The following KIF16B variants were observed in gnomAD, a reference collection of about 807,000 sequenced individuals.
KIF16B encodes the protein kinesin-like protein KIF16B.
KIF16B carries 98 observed loss-of-function variants against 156.3 expected under a neutral mutation model. That is an observed-to-expected ratio of 0.63 (90% CI 0.53 to 0.74). The LOEUF (loss-of-function observed/expected upper bound fraction) is 0.74. KIF16B is among the 30% of genes least tolerant of loss of function. The probability of loss-of-function intolerance (pLI) is 0.00; values close to 1 mark genes in which losing one functional copy is unlikely to be tolerated. For missense variants in KIF16B, 1,421 were observed against 1,606.5 expected, an observed-to-expected ratio of 0.88 and a Z score of 1.97; for synonymous variants, 564 against 583.7, an observed-to-expected ratio of 0.97 and a Z score of 0.49.
chr20:16,413,982 T>A (rs1600333107), intron 15 of KIF16B, among the ~76,000 whole-genome samples: 1 of 152,054 alleles, frequency 6.6e-6, no homozygotes, highest in South Asian at 2.1e-4. Flanking sequence ...ATTTAAAATA[T>A]CTTAAAGATA....
intron 24 of KIF16B, among the ~76,000 whole-genome samples, chr20:16,325,354 A>T (rs1568851339): frequency 8.8e-6 from 1 of 114,110 alleles, no homozygotes; most frequent in Non-Finnish European, 1.8e-5. Context: ...CAGAAACAGG[A>T]AGTCAAACTG....
At chr20:16,442,182 G>A (rs6043949) in intron 12 of KIF16B, among the ~76,000 whole-genome samples, 42,869 of 151,874 alleles carry the variant, frequency 0.28, 6,117 homozygotes, top group East Asian at 0.33. Context: ...CAAGTTCAAG[G>A]GATCTACTGT....
rs528543935 is a variant in KIF16B at position 16,384,289 on chromosome 20, C to T, written c.1785-2542G>A. On this transcript the variant is annotated intron_variant, in intron 17 of 25. Coordinates refer to ENST00000354981, the MANE Select transcript of KIF16B (RefSeq NM_024704.5). The stretch of plus-strand genomic sequence containing the variant: ...TCCCTGTCCCCACCAGGCTCCCGGT[C>T]TGTAAGTGACAGTCAGTGTGTCACA... 5.9e-5 allele frequency among the ~76,000 whole-genome samples: 9 copies of T among 152,292 alleles called. No homozygotes were observed. The South Asian group carries it at 1.9e-3, about 32-fold the overall frequency.
intron 25 of KIF16B, among the ~76,000 whole-genome samples, chr20:16,296,086 CTA>C (rs953253785): frequency 1.3e-5 from 2 of 152,104 alleles, no homozygotes; most frequent in Admixed American, 1.3e-4. Context: ...GCCACAGCAT[CTA>C]TGTGAACTGT....
At chr20:16,567,973 T>C (rs2071321269) in intron 1 of KIF16B, among the ~76,000 whole-genome samples, 1 of 152,130 alleles carries the variant, frequency 6.6e-6, no homozygotes, top group Non-Finnish European at 1.5e-5. Flanking sequence ...ATAAGTGTAG[T>C]ACCTGGTACC....
At chr20:16,373,234 C>T (rs934489704) in intron 20 of KIF16B, among the ~76,000 whole-genome samples, 6 of 152,194 alleles carry the variant, frequency 3.9e-5, no homozygotes, top group African/African-American at 1.4e-4. Flanking sequence ...TGCTACTGAA[C>T]ATGAGTGAAG....
chr20:16,288,549 T>A (rs1435536766), intron 25 of KIF16B, among the ~76,000 whole-genome samples: 1 of 149,376 alleles, frequency 6.7e-6, no homozygotes, highest in Non-Finnish European at 1.5e-5. Flanking sequence ...CTGTATGGTA[T>A]GTACCTTAGT....
At chr20:16,553,435 T>C (rs2070736456) in intron 1 of KIF16B, among the ~76,000 whole-genome samples, 1 of 152,204 alleles carries the variant, frequency 6.6e-6, no homozygotes, top group Non-Finnish European at 1.5e-5. Context: ...AGGGTGGGGA[T>C]CGTACCCTTA....
intron 12 of KIF16B, among the ~76,000 whole-genome samples, chr20:16,448,841 A>G (rs1195278088): frequency 6.6e-6 from 1 of 152,068 alleles, no homozygotes; most frequent in Non-Finnish European, 1.5e-5. Context: ...TAGTCCAAGA[A>G]AACATGACCT....
intron 17 of KIF16B, among the ~76,000 whole-genome samples, chr20:16,391,478 T>A (rs537092404): frequency 6.6e-6 from 1 of 152,282 alleles, no homozygotes; most frequent in Admixed American, 6.5e-5. Flanking sequence ...GGGGTTGAGC[T>A]AACTAATACA....
intron 1 of KIF16B, among the ~76,000 whole-genome samples, chr20:16,533,201 A>G (rs1400670339): frequency 6.6e-6 from 1 of 152,154 alleles, no homozygotes; most frequent in Non-Finnish European, 1.5e-5. Flanking sequence ...CAGTTTCACT[A>G]TTCTGAGGGT....
intron 17 of KIF16B, among the ~76,000 whole-genome samples, chr20:16,386,735 C>T (rs930731832): frequency 2.6e-5 from 4 of 151,928 alleles, no homozygotes; most frequent in Non-Finnish European, 5.9e-5. Flanking sequence ...AGCGCCATAG[C>T]TGAGAGCAAG....
At chr20:16,538,520 G>A (rs1289337916) in intron 1 of KIF16B, among the ~76,000 whole-genome samples, 3 of 152,090 alleles carry the variant, frequency 2.0e-5, no homozygotes, top group East Asian at 3.9e-4. Flanking sequence ...TTATTTGAAA[G>A]GTCTGGAAAC....
At chr20:16,374,169 C>T (rs2064888040) in intron 20 of KIF16B, 88 bp downstream of exon 20, 7 of 1,323,446 alleles carry the variant, frequency 5.3e-6, no homozygotes, top group Admixed American at 2.6e-5. Flanking sequence ...TAATAGAGCC[C>T]TCCAGATACA....
At chr20:16,337,421 G>A (rs2064060018) in intron 23 of KIF16B, among the ~76,000 whole-genome samples, 1 of 152,206 alleles carries the variant, frequency 6.6e-6, no homozygotes, top group African/African-American at 2.4e-5. Flanking sequence ...GATCTAGGGT[G>A]TATGAGGATG....
chr20:16,538,060 G>C (rs1018894672), intron 1 of KIF16B, among the ~76,000 whole-genome samples: 2 of 151,974 alleles, frequency 1.3e-5, no homozygotes, highest in African/African-American at 4.8e-5. Context: ...ACCTCCTCCT[G>C]ATAAACCATT....
Position 16,410,244 on chromosome 20 carries a change from C to CAT in KIF16B, c.1613-3790_1613-3789dup, listed in dbSNP as rs527900754. 5.1e-5 allele frequency among the ~76,000 whole-genome samples: 7 copies of CAT among 137,142 alleles called. 1 individual carries two copies. In the South Asian group the frequency reaches 9.3e-4, roughly 18 times the overall value. The allele number at this position is 137,142 out of a possible 152,430, so 90.0% of individuals were successfully genotyped here. On this transcript the variant is annotated intron_variant, in intron 15 of 25. Coordinates refer to ENST00000354981, the MANE Select transcript of KIF16B (RefSeq NM_024704.5). Reference sequence around the variant, plus strand: ...AGGTACATATACATATATGTAGGTACATATATATATGTCGGTGTACATATA... The same window carrying CAT: ...AGGTACATATACATATATGTAGGTACATATATATATATGTCGGTGTACATATA...
intron 9 of KIF16B, 41 bp from the exon 10 acceptor site, chr20:16,504,588 C>A (rs776378205): frequency 1.3e-6 from 2 of 1,560,674 alleles, no homozygotes; most frequent in African/African-American, 2.7e-5. Flanking sequence ...TCCAGCACTC[C>A]ATGTTCCATT....
intron 12 of KIF16B, among the ~76,000 whole-genome samples, chr20:16,455,928 C>G (rs2067200227): frequency 2.0e-5 from 3 of 152,148 alleles, no homozygotes; most frequent in Admixed American, 1.3e-4. Flanking sequence ...CACTCAAAGA[C>G]CCTGAGAGGA....
Sources: gnomAD v4.1 joint callset for allele counts (sites outside exome capture counted in the v4.1 genomes callset) on GRCh38, gnomAD v4.1.1 for gene constraint, MANE v1.5 for transcripts, NCBI Gene and HGNC (gene_info 2026-07-23, HGNC 2026-07-21) for gene names.